The following KCNJ16 variants were observed in gnomAD, a reference collection of about 807,000 sequenced individuals.
KCNJ16 encodes the protein inward rectifier potassium channel 16.
A neutral mutation model predicts 18.5 loss-of-function variants in KCNJ16; 15 were observed. The ratio of observed to expected loss-of-function variants is 0.81; its 90% CI spans 0.54 to 1.25. KCNJ16 has a LOEUF of 1.25. KCNJ16 is among the 50% of genes most tolerant of loss of function. The pLI, the probability that KCNJ16 is intolerant of heterozygous loss-of-function variation, is 0.00. For synonymous variants in KCNJ16, 174 were observed against 186.5 expected (o/e 0.93, Z 0.55); for missense variants, 523 against 525.7 (o/e 0.99, Z 0.05).
chr17:70,113,321 G>C (rs937120633), intron 2 of KCNJ16, among the ~76,000 whole-genome samples: 11 of 152,124 alleles, frequency 7.2e-5, no homozygotes, highest in Admixed American at 2.6e-4. Context: ...TTCCACCATA[G>C]AAGTCTATAT....
intron 2 of KCNJ16, among the ~76,000 whole-genome samples, chr17:70,116,404 G>A (rs1418641694): frequency 1.3e-5 from 2 of 152,034 alleles, no homozygotes; most frequent in Non-Finnish European, 2.9e-5. Flanking sequence ...TCGTGTCTTT[G>A]TATTCATCCG....
At chr17:70,119,616 G>A (rs969967766) in intron 2 of KCNJ16, among the ~76,000 whole-genome samples, 1 of 152,242 alleles carries the variant, frequency 6.6e-6, no homozygotes, top group African/African-American at 2.4e-5. Context: ...ACTCAAGCAA[G>A]CTGTGTCTGG....
At chr17:70,087,168 A>C (rs542377406) in intron 1 of KCNJ16, among the ~76,000 whole-genome samples, 4 of 151,096 alleles carry the variant, frequency 2.6e-5, no homozygotes. Context: ...TCGGCCTCCC[A>C]AAGAGCTGGG....
intron 1 of KCNJ16, among the ~76,000 whole-genome samples, chr17:70,095,518 C>T (rs148282516): frequency 1.5e-3 from 222 of 152,258 alleles, no homozygotes; most frequent in Non-Finnish European, 1.8e-3. Flanking sequence ...TCAGGGCAAA[C>T]GTGAAGCTTT....
At chr17:70,097,112 T>C (rs561368137) in intron 1 of KCNJ16, among the ~76,000 whole-genome samples, 1 of 152,334 alleles carries the variant, frequency 6.6e-6, no homozygotes, top group Admixed American at 6.5e-5. Flanking sequence ...TTATGTGCAC[T>C]TTTGTTAATG....
chr17:70,129,028 A>C (rs1054124320), intron 2 of KCNJ16, among the ~76,000 whole-genome samples: 1 of 152,190 alleles, frequency 6.6e-6, no homozygotes, highest in African/African-American at 2.4e-5. Context: ...TGCTTCTGCT[A>C]TCTTGCTGAC....
chr17:70,127,138 C>T (rs1387501820), intron 2 of KCNJ16, among the ~76,000 whole-genome samples: 1 of 152,108 alleles, frequency 6.6e-6, no homozygotes, highest in African/African-American at 2.4e-5. Flanking sequence ...AATCCACATT[C>T]ACCAAAATGG....
intron 2 of KCNJ16, among the ~76,000 whole-genome samples, chr17:70,103,296 G>GTGTGTGTGTATATATATATATATATA (rs1408960241): frequency 1.9e-4 from 14 of 72,054 alleles, no homozygotes; most frequent in African/African-American, 4.0e-4. Flanking sequence ...ATGTGTGTGT[G>GTGTGTGTGTATATATATATATATATA]TATATATATA....
At chr17:70,102,462 G>A (rs771923946) in intron 2 of KCNJ16, among the ~76,000 whole-genome samples, 5 of 151,540 alleles carry the variant, frequency 3.3e-5, no homozygotes, top group South Asian at 2.1e-4. Context: ...TCCTGACCTC[G>A]TGATCTGCCC....
intron 1 of KCNJ16, among the ~76,000 whole-genome samples, chr17:70,081,531 T>C (rs2071552597): frequency 6.6e-6 from 1 of 152,170 alleles, no homozygotes; most frequent in African/African-American, 2.4e-5. Flanking sequence ...AGGAATCAAG[T>C]ACAATAGAAA....
intron 1 of KCNJ16, among the ~76,000 whole-genome samples, chr17:70,087,755 A>C (rs2071881845): frequency 6.6e-6 from 1 of 151,958 alleles, no homozygotes; most frequent in African/African-American, 2.4e-5. Flanking sequence ...TAAAAGGCTT[A>C]AGTTCCAAAG....
At chr17:70,128,224 T>C (rs1366252746) in intron 2 of KCNJ16, 2 of 152,252 alleles carry the variant, frequency 1.3e-5, no homozygotes, top group African/African-American at 4.8e-5. Flanking sequence ...GCTGTGTTTA[T>C]AGCTTATTTG....
chr17:70,080,698 T>C (rs960123998), intron 1 of KCNJ16, among the ~76,000 whole-genome samples: 1 of 152,096 alleles, frequency 6.6e-6, no homozygotes, highest in Non-Finnish European at 1.5e-5. Flanking sequence ...CCCAGAAAAA[T>C]ATCTACTAAC....
chr17:70,135,603 CAAAAACT>C (rs2078979705), exon 4 of KCNJ16: 1 of 163,980 alleles, frequency 6.1e-6, no homozygotes, highest in South Asian at 2.1e-4. Flanking sequence ...TAAAATAATG[CAAAAACT>C]GTGTGCATAT....
chr17:70,128,394 G>A (rs1476349492), intron 2 of KCNJ16, among the ~76,000 whole-genome samples: 2 of 152,166 alleles, frequency 1.3e-5, no homozygotes, highest in Non-Finnish European at 2.9e-5. Context: ...CAGGGTTGGG[G>A]TTACTGACCC....
Position 70,106,286 on chromosome 17 carries a change from C to T in KCNJ16, c.-191+5520C>T, listed in dbSNP as rs140110706. ...TGCAAGGTAGAGACCAAATTGGCTACGCATTGGCAGTGTGACCTTCCCCCA... is the reference window on the plus strand; with the variant it reads ...TGCAAGGTAGAGACCAAATTGGCTATGCATTGGCAGTGTGACCTTCCCCCA... On this transcript the variant is annotated intron_variant, in intron 2 of 3. Transcript: ENST00000392671. Among the ~76,000 whole-genome samples, 597 of 152,280 alleles carry T rather than the reference C, an allele frequency of 3.9e-3. 3 individuals are homozygous for T. Among genetic ancestry groups the T allele is most frequent in the Admixed American group, 8.2e-3 (125 of 15,300 alleles).
chr17:70,122,249 T>C (rs1382258739), intron 2 of KCNJ16, among the ~76,000 whole-genome samples: 1 of 151,932 alleles, frequency 6.6e-6, no homozygotes, highest in Non-Finnish European at 1.5e-5. Context: ...CTCGGCTCAC[T>C]GCAAGCTCCA....
intron 2 of KCNJ16, among the ~76,000 whole-genome samples, chr17:70,129,781 TATTA>T (rs2073992323): frequency 6.6e-6 from 1 of 152,204 alleles, no homozygotes; most frequent in African/African-American, 2.4e-5. Context: ...TTGTAACTTG[TATTA>T]ATTGAAAATT....
At chr17:70,081,785 C>G (rs2108440) in intron 1 of KCNJ16, among the ~76,000 whole-genome samples, 138,031 of 152,046 alleles carry the variant, frequency 0.91, 62,788 homozygotes, top group East Asian at 1. Context: ...TGAGATGTTA[C>G]TTGTTAAGAG....
Sources: allele counts gnomAD v4.1 joint callset (sites outside exome capture counted in the v4.1 genomes callset), GRCh38; gene constraint gnomAD v4.1.1; transcripts MANE v1.5; gene names NCBI Gene and HGNC (gene_info 2026-07-23, HGNC 2026-07-21).